Variants in AUTS2 observed in about 807,000 individuals in gnomAD.
AUTS2 encodes activator of transcription and developmental regulator AUTS2.
In AUTS2, 17 loss-of-function variants were observed where a neutral mutation model predicts 112.4. That is an observed-to-expected ratio of 0.15 (90% CI 0.10 to 0.23). The LOEUF is 0.23. Ranked by LOEUF, AUTS2 falls within the 10% of genes least tolerant of loss-of-function variation. The pLI, the probability that AUTS2 is intolerant of heterozygous loss-of-function variation, is 1.00. For missense variants in AUTS2, 1,510 were observed against 1,701.6 expected (o/e 0.89, Z 1.98); for synonymous variants, 751 against 702.7 (o/e 1.07, Z -1.09).
At chr7:70,127,418 T>G (rs1399883363) in intron 3 of AUTS2, among the ~76,000 whole-genome samples, 1 of 152,212 alleles carries the variant, frequency 6.6e-6, no homozygotes, top group Non-Finnish European at 1.5e-5. Flanking sequence ...ATTATACACA[T>G]GAGCCTCCAC....
chr7:69,972,780 C>A (rs1379973569), intron 2 of AUTS2, among the ~76,000 whole-genome samples: 2 of 151,074 alleles, frequency 1.3e-5, no homozygotes, highest in African/African-American at 2.4e-5. Flanking sequence ...TGTTCTTGTA[C>A]CTTTGTCCAA....
At chr7:70,736,957 T>G (rs996643412) in intron 6 of AUTS2, among the ~76,000 whole-genome samples, 3 of 152,224 alleles carry the variant, frequency 2.0e-5, no homozygotes, top group African/African-American at 7.2e-5. Context: ...TCACTTTCCG[T>G]GGTTCCAGCT....
chr7:70,651,736 A>G (rs1174003455), intron 5 of AUTS2, among the ~76,000 whole-genome samples: 1 of 152,162 alleles, frequency 6.6e-6, no homozygotes, highest in Admixed American at 6.6e-5. Flanking sequence ...GAAGTTAGGG[A>G]CCATCTGTAT....
chr7:69,980,774 T>G (rs575565234), intron 2 of AUTS2, among the ~76,000 whole-genome samples: 19 of 152,276 alleles, frequency 1.2e-4, no homozygotes, highest in Non-Finnish European at 2.2e-4. Context: ...AGATTCTGAT[T>G]CAGTTGATCT....
chr7:70,505,861 G>A (rs960409507), intron 5 of AUTS2, among the ~76,000 whole-genome samples: 4 of 152,178 alleles, frequency 2.6e-5, no homozygotes, highest in Admixed American at 2.0e-4. Flanking sequence ...CCGGGATGGG[G>A]ACCAAAGTGG....
intron 5 of AUTS2, among the ~76,000 whole-genome samples, chr7:70,477,557 C>T (rs1342322029): frequency 6.6e-6 from 1 of 152,216 alleles, no homozygotes; most frequent in Non-Finnish European, 1.5e-5. Flanking sequence ...GAATCACCCT[C>T]TGCTCAGTGG....
At chr7:70,141,572 T>A (rs1321173742) in intron 4 of AUTS2, among the ~76,000 whole-genome samples, 5 of 152,198 alleles carry the variant, frequency 3.3e-5, no homozygotes, top group African/African-American at 4.8e-5. Context: ...TCACATTTTT[T>A]AAATGTAACC....
chr7:69,859,109 C>T lies in AUTS2; in HGVS notation c.310-40177C>T, dbSNP rs142919720. 4.3e-4 allele frequency among the ~76,000 whole-genome samples: 66 copies of T among 152,200 alleles called. No homozygotes were observed. In the East Asian group the frequency reaches 0.012, roughly 27 times the overall value. On this transcript the variant is annotated intron_variant, in intron 1 of 18. Transcript: ENST00000342771. The stretch of plus-strand genomic sequence containing the variant: ...AGGACAGTCATTGTACCAACATTTA[C>T]GAAATGAAAGCAAGAGCTATTAACC...
At chr7:70,325,828 G>T (rs1389737995) in intron 4 of AUTS2, among the ~76,000 whole-genome samples, 2 of 152,176 alleles carry the variant, frequency 1.3e-5, no homozygotes, top group Non-Finnish European at 2.9e-5. Context: ...AAGCTGCTGT[G>T]GGGATGAATC....
chr7:70,668,320 T>C (rs566160145), intron 5 of AUTS2, among the ~76,000 whole-genome samples: 1 of 152,318 alleles, frequency 6.6e-6, no homozygotes, highest in South Asian at 2.1e-4. Flanking sequence ...GTGCCAGTGC[T>C]GCTGGCCCCA....
chr7:69,907,185 T>C (rs528090239), intron 2 of AUTS2, among the ~76,000 whole-genome samples: 107 of 152,356 alleles, frequency 7.0e-4, no homozygotes, highest in Non-Finnish European at 1.2e-3. Context: ...AGCTGCCTGC[T>C]CATGTCTTAC....
chr7:69,663,048 T>A (rs1022133210), intron 1 of AUTS2: 4 of 152,210 alleles, frequency 2.6e-5, no homozygotes, highest in African/African-American at 9.6e-5. Context: ...TATATTACAG[T>A]GTTTACTTTT....
rs150702737 is a variant in AUTS2, at chr7:70,572,568, C to T, written c.691-126001C>T. 4.2e-3 allele frequency among the ~76,000 whole-genome samples: 646 copies of T among 152,166 alleles called. 8 individuals are homozygous for T. The highest frequency in any genetic ancestry group is 0.015 in the African/African-American group (618 of 41,500). ...TAAAGTTAAAATATTGTTGAGACAG[C>T]TTTCATTATGCATGTTCCAGGCCTC... is the stretch of plus-strand genomic sequence containing the variant. On this transcript the variant is annotated intron_variant, in intron 5 of 18. Transcript: ENST00000342771.
intron 4 of AUTS2, among the ~76,000 whole-genome samples, chr7:70,143,532 A>G (rs757260136): frequency 5.9e-5 from 9 of 152,122 alleles, no homozygotes; most frequent in African/African-American, 1.7e-4. Context: ...ATGATCTCCA[A>G]TTTTTCTTCA....
intron 1 of AUTS2, among the ~76,000 whole-genome samples, chr7:69,857,120 A>G (rs1990426): frequency 0.028 from 4,212 of 152,212 alleles, 78 homozygotes; most frequent in Middle Eastern, 0.12. Flanking sequence ...CCTTGGAGTG[A>G]TGGAATTGTA....
chr7:70,497,381 G>A (rs938049902), intron 5 of AUTS2, among the ~76,000 whole-genome samples: 7 of 152,206 alleles, frequency 4.6e-5, no homozygotes, highest in African/African-American at 1.2e-4. Context: ...GCTTCAGACA[G>A]GTTGCTTTAT....
intron 6 of AUTS2, among the ~76,000 whole-genome samples, chr7:70,738,676 C>T (rs889279109): frequency 4.6e-5 from 7 of 152,086 alleles, no homozygotes; most frequent in African/African-American, 1.7e-4. Context: ...GTGCCCCAAT[C>T]CCGGAGGAGC....
intron 1 of AUTS2, among the ~76,000 whole-genome samples, chr7:69,685,606 G>T (rs1481232507): frequency 6.6e-6 from 1 of 152,148 alleles, no homozygotes; most frequent in Non-Finnish European, 1.5e-5. Flanking sequence ...CATATTTTCT[G>T]AGAGCAGATG....
intron 5 of AUTS2, among the ~76,000 whole-genome samples, chr7:70,530,701 A>G (rs1800048676): frequency 6.6e-6 from 1 of 151,828 alleles, no homozygotes; most frequent in Non-Finnish European, 1.5e-5. Context: ...TCTCTTTACC[A>G]CTAGCAAAAG....
Sources: allele counts gnomAD v4.1 joint callset (sites outside exome capture counted in the v4.1 genomes callset), GRCh38; gene constraint gnomAD v4.1.1; transcripts MANE v1.5; gene names NCBI Gene and HGNC (gene_info 2026-07-23, HGNC 2026-07-21).